FAM177A1: variants seen among roughly 807,000 people sequenced by gnomAD.
The protein encoded by FAM177A1 is protein FAM177A1.
FAM177A1 carries 22 observed loss-of-function variants against 26.1 expected under a neutral mutation model. The ratio of observed to expected loss-of-function variants is 0.84; its 90% CI spans 0.60 to 1.20. The LOEUF (loss-of-function observed/expected upper bound fraction) is 1.20. Among genes scored for constraint, FAM177A1 ranks in the 50% most tolerant of loss-of-function variants. The pLI is 0.00. For synonymous variants in FAM177A1, 95 were observed against 99.3 expected (o/e 0.96, Z 0.26); for missense variants, 296 against 291.1 (o/e 1.02, Z -0.12).
intron 2 of FAM177A1, among the ~76,000 whole-genome samples, chr14:35,054,501 T>C (rs12896285): frequency 0.026 from 3,960 of 152,236 alleles, 69 homozygotes; most frequent in East Asian, 0.035. Flanking sequence ...GTGGGTGATA[T>C]AAATTTCTGC....
At chr14:35,068,491 G>T (rs1397114185) in intron 2 of FAM177A1, among the ~76,000 whole-genome samples, 2 of 152,126 alleles carry the variant, frequency 1.3e-5, no homozygotes, top group African/African-American at 4.8e-5. Context: ...TGAACCACCG[G>T]CAGGAAATTA....
chr14:35,051,182 C>G (rs183067092), intron 1 of FAM177A1, among the ~76,000 whole-genome samples: 1 of 152,152 alleles, frequency 6.6e-6, no homozygotes, highest in African/African-American at 2.4e-5. Flanking sequence ...TGCAGTGGCA[C>G]GATCTCAGCT....
upstream of FAM177A1, chr14:35,045,851 A>G (rs1245413245): frequency 6.6e-6 from 1 of 152,190 alleles, no homozygotes; most frequent in Non-Finnish European, 1.5e-5. Flanking sequence ...CACTTTCTAC[A>G]GTTATACTTA....
chr14:35,063,426 A>G (rs1284227377), intron 2 of FAM177A1, among the ~76,000 whole-genome samples: 1 of 151,092 alleles, frequency 6.6e-6, no homozygotes, highest in African/African-American at 2.4e-5. Flanking sequence ...AAAATACAAA[A>G]AATTAGCCAG....
At chr14:35,057,860 C>T (rs1355138975) in intron 2 of FAM177A1, among the ~76,000 whole-genome samples, 3 of 151,928 alleles carry the variant, frequency 2.0e-5, no homozygotes, top group Non-Finnish European at 2.9e-5. Context: ...TTATTTGACC[C>T]TTTAAATGTA....
At chr14:35,067,437 C>T (rs2045256484) in intron 2 of FAM177A1, among the ~76,000 whole-genome samples, 1 of 152,166 alleles carries the variant, frequency 6.6e-6, no homozygotes, top group Admixed American at 6.6e-5. Context: ...CTGATATGGA[C>T]ACCTAGGTTG....
intron 2 of FAM177A1, among the ~76,000 whole-genome samples, chr14:35,056,288 G>A (rs975707099): frequency 6.6e-6 from 1 of 152,082 alleles, no homozygotes; most frequent in Non-Finnish European, 1.5e-5. Context: ...GCCCACCTCA[G>A]CTTCTCAAAG....
intron 2 of FAM177A1, among the ~76,000 whole-genome samples, chr14:35,065,331 C>A (rs1352333880): frequency 6.7e-6 from 1 of 150,002 alleles, no homozygotes; most frequent in African/African-American, 2.4e-5. Context: ...ATGTATTCAG[C>A]CACTCAGGAG....
chr14:35,048,234 T>C (rs2044906196), intron 1 of FAM177A1, among the ~76,000 whole-genome samples: 1 of 152,228 alleles, frequency 6.6e-6, no homozygotes, highest in Non-Finnish European at 1.5e-5. Context: ...ATTTGATTTT[T>C]CCTGTTGTTA....
chr14:35,056,614 T>G (rs1009666336), intron 2 of FAM177A1, among the ~76,000 whole-genome samples: 3 of 152,180 alleles, frequency 2.0e-5, no homozygotes, highest in Non-Finnish European at 4.4e-5. Flanking sequence ...TGTCTCAGCC[T>G]CCCAAAGTGC....
intron 1 of FAM177A1, among the ~76,000 whole-genome samples, chr14:35,051,081 A>AGGT (rs1210997190): frequency 6.6e-6 from 1 of 152,194 alleles, no homozygotes; most frequent in Non-Finnish European, 1.5e-5. Flanking sequence ...GTTAATACAT[A>AGGT]GGTAGCCTAT....
intron 2 of FAM177A1, among the ~76,000 whole-genome samples, chr14:35,058,567 C>A (rs191204396): frequency 9.1e-4 from 139 of 152,184 alleles, no homozygotes; most frequent in Non-Finnish European, 1.7e-3. Flanking sequence ...CCTCTAGTTA[C>A]GTTTTTTGTT....
chr14:35,060,162 A>T (rs1225199465), intron 2 of FAM177A1, among the ~76,000 whole-genome samples: 1 of 147,766 alleles, frequency 6.8e-6, no homozygotes, highest in Non-Finnish European at 1.5e-5. Context: ...TTTGGTAGAG[A>T]CTGGGTTTCA....
At chr14:35,066,353 T>C (rs1438645963) in intron 2 of FAM177A1, among the ~76,000 whole-genome samples, 1 of 148,960 alleles carries the variant, frequency 6.7e-6, no homozygotes, top group Non-Finnish European at 1.5e-5. Flanking sequence ...CAAGCATGAG[T>C]TCCTGGCCTC....
intron 2 of FAM177A1, among the ~76,000 whole-genome samples, chr14:35,065,155 C>G (rs545297345): frequency 8.0e-5 from 12 of 150,926 alleles, no homozygotes; most frequent in African/African-American, 2.7e-4. Context: ...CCTTAAATAA[C>G]TATAATATTT....
chr14:35,072,892 A>G (rs1169263288), intron 2 of FAM177A1, among the ~76,000 whole-genome samples: 1 of 152,004 alleles, frequency 6.6e-6, no homozygotes, highest in Non-Finnish European at 1.5e-5. Flanking sequence ...TCATGATTTC[A>G]TTGATTGGCT....
intron 2 of FAM177A1, among the ~76,000 whole-genome samples, chr14:35,065,506 G>A (rs566106018): frequency 1.3e-5 from 2 of 151,640 alleles, no homozygotes; most frequent in East Asian, 3.9e-4. Context: ...GCCATTTAGG[G>A]AAGTTGCCAA....
chr14:35,046,802 GC>G, intron 1 of FAM177A1, 174 bp downstream of exon 1: 1 of 1,376,918 alleles, frequency 7.3e-7, no homozygotes, highest in Non-Finnish European at 9.4e-7. Flanking sequence ...GGGAAGGAGC[GC>G]CCCCCGCCTC....
chr14:35,049,450 T>C (rs1001275630), intron 1 of FAM177A1, among the ~76,000 whole-genome samples: 1 of 152,074 alleles, frequency 6.6e-6, no homozygotes, highest in Non-Finnish European at 1.5e-5. Flanking sequence ...TTTAAAGAAG[T>C]CTGGGTGCCA....
Sources: allele counts gnomAD v4.1 joint callset (sites outside exome capture counted in the v4.1 genomes callset), GRCh38; gene constraint gnomAD v4.1.1; transcripts MANE v1.5; gene names NCBI Gene and HGNC (gene_info 2026-07-23, HGNC 2026-07-21).